TYW1B: variants seen among roughly 807,000 people sequenced by gnomAD.
The protein encoded by TYW1B is S-adenosyl-L-methionine-dependent tRNA 4-demethylwyosine synthase TYW1B.
A neutral mutation model predicts 86.9 loss-of-function variants in TYW1B; 73 were observed. That is an observed-to-expected ratio of 0.84 (90% CI 0.70 to 1.02). The LOEUF (loss-of-function observed/expected upper bound fraction) is 1.02. Ranked by LOEUF, TYW1B falls within the 50% of genes least tolerant of loss-of-function variation. The pLI is 0.00. For missense variants in TYW1B, 637 were observed against 827.4 expected (o/e 0.77, Z 2.82); for synonymous variants, 248 against 292.8 (o/e 0.85, Z 1.56).
chr7:72,785,602 T>C (rs1197178861), intron 6 of TYW1B, among the ~76,000 whole-genome samples: 1 of 151,928 alleles, frequency 6.6e-6, no homozygotes, highest in Non-Finnish European at 1.5e-5. Flanking sequence ...AGGGGTAAAA[T>C]AATTTGTCCA....
chr7:72,649,334 GC>G (rs1813007138), intron 11 of TYW1B, among the ~76,000 whole-genome samples: 1 of 152,138 alleles, frequency 6.6e-6, no homozygotes, highest in South Asian at 2.1e-4. Flanking sequence ...TGAGAGAAGA[GC>G]TTTCTGAAAA....
At chr7:72,664,424 A>G (rs1187448175) in intron 11 of TYW1B, among the ~76,000 whole-genome samples, 1 of 152,152 alleles carries the variant, frequency 6.6e-6, no homozygotes, top group African/African-American at 2.4e-5. Flanking sequence ...CTTATAAGCA[A>G]AGTACCTTGC....
Position 72,820,673 on chromosome 7 carries a change from G to T in TYW1B, c.136-5192C>A, listed in dbSNP as rs546797856. On this transcript the variant is annotated intron_variant, in intron 2 of 13. Transcript: ENST00000620995. ...ACCAACAAGCTCTCTTGGGAACTAA[G>T]ACAGCAAGAACTCACTCACCCCTCC... Among the ~76,000 whole-genome samples, 110 of 152,108 alleles carry T rather than the reference G, an allele frequency of 7.2e-4. 1 individual carries two copies. The highest frequency in any genetic ancestry group is 2.6e-3 in the African/African-American group (106 of 41,508).
chr7:72,582,222 A>C (rs1811172446), intron 13 of TYW1B, among the ~76,000 whole-genome samples: 1 of 152,200 alleles, frequency 6.6e-6, no homozygotes, highest in South Asian at 2.1e-4. Context: ...TAAGAAGTGA[A>C]GGACATGAGT....
At chr7:72,717,021 C>G (rs34690922) in intron 9 of TYW1B, among the ~76,000 whole-genome samples, 1 of 151,894 alleles carries the variant, frequency 6.6e-6, no homozygotes, top group African/African-American at 2.4e-5. Flanking sequence ...TGCAGTTTGG[C>G]TGGGCACGGC....
At chr7:72,646,841 A>G (rs1554442119) in intron 11 of TYW1B, among the ~76,000 whole-genome samples, 1 of 152,238 alleles carries the variant, frequency 6.6e-6, no homozygotes, top group Admixed American at 6.5e-5. Flanking sequence ...GATGATGGCT[A>G]CAAGGAATTG....
At chr7:72,611,718 T>C (rs1811937608) in intron 13 of TYW1B, among the ~76,000 whole-genome samples, 1 of 152,170 alleles carries the variant, frequency 6.6e-6, no homozygotes, top group Non-Finnish European at 1.5e-5. Context: ...CAGCCCTCTG[T>C]ATTCTCAGAA....
At chr7:72,802,012 T>C (rs771300600) in intron 6 of TYW1B, among the ~76,000 whole-genome samples, 3 of 150,584 alleles carry the variant, frequency 2.0e-5, no homozygotes, top group Admixed American at 6.8e-5. Context: ...TTATAAGCTT[T>C]CTTAAAACAT....
chr7:72,821,181 C>T (rs1376844426), intron 2 of TYW1B, among the ~76,000 whole-genome samples: 1 of 152,120 alleles, frequency 6.6e-6, no homozygotes, highest in Non-Finnish European at 1.5e-5. Flanking sequence ...GCCATGTTGG[C>T]CAGGCTAATC....
At chr7:72,814,674 A>T (rs1788688303) in intron 3 of TYW1B, among the ~76,000 whole-genome samples, 3 of 152,186 alleles carry the variant, frequency 2.0e-5, no homozygotes, top group South Asian at 4.1e-4. Context: ...AGGAAAGAGG[A>T]TCACTTGAGC....
intron 7 of TYW1B, among the ~76,000 whole-genome samples, chr7:72,752,388 G>A (rs1244758620): frequency 2.0e-5 from 3 of 152,166 alleles, no homozygotes; most frequent in Non-Finnish European, 4.4e-5. Flanking sequence ...CTGTATTAAG[G>A]AAATATTATC....
chr7:72,759,497 C>T (rs1345440130), intron 7 of TYW1B, among the ~76,000 whole-genome samples: 1 of 152,094 alleles, frequency 6.6e-6, no homozygotes, highest in African/African-American at 2.4e-5. Context: ...CTATAGAAGG[C>T]TATATATTAT....
At chr7:72,731,981 A>G (rs1787121170) in intron 8 of TYW1B, among the ~76,000 whole-genome samples, 1 of 152,158 alleles carries the variant, frequency 6.6e-6, no homozygotes, top group African/African-American at 2.4e-5. Flanking sequence ...AAGCAAGAGT[A>G]GCTATCCTTG....
At chr7:72,761,965 A>AT (rs1462874946) in intron 7 of TYW1B, among the ~76,000 whole-genome samples, 2 of 152,262 alleles carry the variant, frequency 1.3e-5, no homozygotes, top group African/African-American at 4.8e-5. Flanking sequence ...TCTGCACGTG[A>AT]TTAAGTTGGC....
intron 7 of TYW1B, chr7:72,769,005 AT>A (rs1787821856): frequency 3.0e-6 from 1 of 328,090 alleles, no homozygotes; most frequent in Admixed American, 3.7e-5. Flanking sequence ...TTTCCTACAC[AT>A]TTATAAGAGA....
In TYW1B at chr7:72,721,920, T is replaced by C. The variant is rs182624325; in HGVS notation, c.1192+6902A>G. Among the ~76,000 whole-genome samples the C allele has an allele frequency of 3.4e-3, 512 of 152,318 alleles. 2 individuals carry two copies. Among genetic ancestry groups the C allele is most frequent in the African/African-American group, 0.012 (483 of 41,564 alleles). On this transcript the variant is annotated intron_variant, in intron 9 of 13. Coordinates refer to ENST00000620995, the MANE Select transcript of TYW1B (RefSeq NM_001145440.3). ...TCCTAAAATTTTCATTCTAATGTCA[T>C]AGCGATAAACCAAATAACACACAAA...
chr7:72,636,029 C>A (rs1366990752), intron 11 of TYW1B, among the ~76,000 whole-genome samples: 1 of 152,132 alleles, frequency 6.6e-6, no homozygotes, highest in Non-Finnish European at 1.5e-5. Context: ...TAAATATAAT[C>A]AGTGTATGGA....
chr7:72,679,947 C>G (rs529331816), intron 11 of TYW1B, among the ~76,000 whole-genome samples: 4 of 152,150 alleles, frequency 2.6e-5, no homozygotes, highest in Non-Finnish European at 1.5e-5. Context: ...CTGAGCAACA[C>G]AGTGAGACCG....
intron 13 of TYW1B, among the ~76,000 whole-genome samples, chr7:72,587,330 A>G (rs1273231952): frequency 6.6e-6 from 1 of 152,156 alleles, no homozygotes; most frequent in Admixed American, 6.5e-5. Context: ...GGGGAACTGC[A>G]ATGGAGAAAG....
Sources: gnomAD v4.1 joint callset for allele counts (sites outside exome capture counted in the v4.1 genomes callset) on GRCh38, gnomAD v4.1.1 for gene constraint, MANE v1.5 for transcripts, NCBI Gene and HGNC (gene_info 2026-07-23, HGNC 2026-07-21) for gene names.